KCNIP1: variants seen among roughly 807,000 people sequenced by gnomAD.
The protein encoded by KCNIP1 is potassium voltage-gated channel interacting protein 1, also known as A-type potassium channel modulatory protein KCNIP1.
Under a neutral mutation model 33.0 loss-of-function variants are expected in KCNIP1, and 18 were observed. The ratio of observed to expected loss-of-function variants is 0.55; its 90% CI spans 0.38 to 0.81. The LOEUF is 0.81. KCNIP1 is among the 30% of genes least tolerant of loss of function. KCNIP1 has a pLI of 0.00. For missense variants in KCNIP1, 238 were observed against 271.6 expected, an observed-to-expected ratio of 0.88 and a Z score of 0.87; for synonymous variants, 93 against 98.3, an observed-to-expected ratio of 0.95 and a Z score of 0.32.
At chr5:170,415,526 G>A (rs773053134) in intron 1 of KCNIP1, among the ~76,000 whole-genome samples, 13 of 150,838 alleles carry the variant, frequency 8.6e-5, no homozygotes, top group African/African-American at 2.9e-4. Flanking sequence ...TAGCCTCCCC[G>A]GGGAACATGG....
At chr5:170,726,382 C>T (rs560872483) in intron 5 of KCNIP1, among the ~76,000 whole-genome samples, 7 of 152,202 alleles carry the variant, frequency 4.6e-5, no homozygotes, top group Admixed American at 3.9e-4. Flanking sequence ...TGAAAGGTTG[C>T]TCTATATCAC....
intron 1 of KCNIP1, among the ~76,000 whole-genome samples, chr5:170,648,318 A>C (rs1433097558): frequency 1.3e-5 from 2 of 152,250 alleles, no homozygotes; most frequent in African/African-American, 4.8e-5. Context: ...TTCACACAAA[A>C]AACTGCATGT....
At chr5:170,662,961 G>A (rs1561749462) in intron 1 of KCNIP1, among the ~76,000 whole-genome samples, 1 of 152,192 alleles carries the variant, frequency 6.6e-6, no homozygotes, top group African/African-American at 2.4e-5. Flanking sequence ...CAAAAACTGG[G>A]CTCATAGGTG....
At chr5:170,552,724 T>G (rs1329325782) in intron 1 of KCNIP1, among the ~76,000 whole-genome samples, 1 of 152,130 alleles carries the variant, frequency 6.6e-6, no homozygotes, top group Non-Finnish European at 1.5e-5. Flanking sequence ...GTGGATTCTA[T>G]CCTGAGTGCA....
At chr5:170,394,922 A>T (rs1484308455) in intron 1 of KCNIP1, among the ~76,000 whole-genome samples, 1 of 152,222 alleles carries the variant, frequency 6.6e-6, no homozygotes, top group Non-Finnish European at 1.5e-5. Context: ...TGTAAAGGAC[A>T]TGATTTCATC....
At chr5:170,728,078 G>T (rs1764069242) in intron 5 of KCNIP1, among the ~76,000 whole-genome samples, 1 of 152,158 alleles carries the variant, frequency 6.6e-6, no homozygotes, top group Non-Finnish European at 1.5e-5. Flanking sequence ...CAAACCATTT[G>T]ATGCTAAAAT....
chr5:170,525,239 C>T (rs997209958), intron 1 of KCNIP1, among the ~76,000 whole-genome samples: 1 of 152,222 alleles, frequency 6.6e-6, no homozygotes, highest in Non-Finnish European at 1.5e-5. Flanking sequence ...TAAGAGCATG[C>T]GCTCTGCAGG....
chr5:170,570,709 G>A (rs111832453), intron 1 of KCNIP1, among the ~76,000 whole-genome samples: 5,797 of 152,356 alleles, frequency 0.038, 145 homozygotes, highest in Non-Finnish European at 0.05. Context: ...GAGCACCAGC[G>A]ACAGACGGCC....
chr5:170,706,896 A>G (rs1019882849), intron 1 of KCNIP1, among the ~76,000 whole-genome samples: 1 of 151,828 alleles, frequency 6.6e-6, no homozygotes, highest in Non-Finnish European at 1.5e-5. Flanking sequence ...TTGTAGACCC[A>G]CTCACCCTAG....
intron 1 of KCNIP1, among the ~76,000 whole-genome samples, chr5:170,637,335 C>A (rs1760326374): frequency 6.6e-6 from 1 of 152,100 alleles, no homozygotes; most frequent in Non-Finnish European, 1.5e-5. Context: ...ACCACCGCAC[C>A]CCTCCTCACC....
chr5:170,719,793 C>T (rs527294492), intron 2 of KCNIP1, among the ~76,000 whole-genome samples: 2 of 152,336 alleles, frequency 1.3e-5, no homozygotes, highest in African/African-American at 4.8e-5. Context: ...ACCATTAGGG[C>T]TTCTTTCCTT....
intron 1 of KCNIP1, among the ~76,000 whole-genome samples, chr5:170,687,686 G>T (rs575492643): frequency 6.6e-6 from 1 of 152,192 alleles, no homozygotes; most frequent in Non-Finnish European, 1.5e-5. Flanking sequence ...TACACTCTAC[G>T]ATGCACCAGC....
chr5:170,371,079 T>C (rs1763830556), intron 1 of KCNIP1, among the ~76,000 whole-genome samples: 1 of 152,174 alleles, frequency 6.6e-6, no homozygotes, highest in Admixed American at 6.5e-5. Context: ...CGGGTGCATT[T>C]GCTGAGAAGG....
At chr5:170,674,737 G>A (rs768381049) in intron 1 of KCNIP1, among the ~76,000 whole-genome samples, 39 of 152,144 alleles carry the variant, frequency 2.6e-4, no homozygotes, top group East Asian at 3.9e-4. Flanking sequence ...TGATTGTTCC[G>A]AGGGTTTTGT....
intron 1 of KCNIP1, among the ~76,000 whole-genome samples, chr5:170,641,858 C>A (rs1296031027): frequency 6.6e-6 from 1 of 152,142 alleles, no homozygotes; most frequent in African/African-American, 2.4e-5. Flanking sequence ...CTTCCCGGGA[C>A]CTCGCTAGTC....
chr5:170,573,090 C>T (rs1319902879), intron 1 of KCNIP1, among the ~76,000 whole-genome samples: 2 of 152,226 alleles, frequency 1.3e-5, no homozygotes, highest in Non-Finnish European at 2.9e-5. Flanking sequence ...TCGGCTCTGG[C>T]ATTGCTCTCC....
chr5:170,502,698 C>T (rs770682529), upstream of KCNIP1, among the ~76,000 whole-genome samples: 4 of 152,076 alleles, frequency 2.6e-5, no homozygotes, highest in African/African-American at 7.2e-5. Context: ...GCCATACATC[C>T]GGGTATTCTG....
At chr5:170,441,019 C>T (rs749373803) in intron 1 of KCNIP1, among the ~76,000 whole-genome samples, 12 of 152,206 alleles carry the variant, frequency 7.9e-5, no homozygotes, top group Non-Finnish European at 1.8e-4. Flanking sequence ...GGTCTGCCGT[C>T]GCCCTTTGTC....
upstream of KCNIP1, among the ~76,000 whole-genome samples, chr5:170,503,528 A>C (rs1757462955): frequency 6.6e-6 from 1 of 151,842 alleles, no homozygotes; most frequent in South Asian, 2.1e-4. Context: ...ACCCTCAAGG[A>C]CCCGCGGAGC....
Sources: gnomAD v4.1 joint callset for allele counts (sites outside exome capture counted in the v4.1 genomes callset) on GRCh38, gnomAD v4.1.1 for gene constraint, MANE v1.5 for transcripts, NCBI Gene and HGNC (gene_info 2026-07-23, HGNC 2026-07-21) for gene names.